GDAP1: variants seen among roughly 807,000 people sequenced by gnomAD.
GDAP1 encodes the protein ganglioside induced differentiation associated protein 1.
Under a neutral mutation model 40.1 loss-of-function variants are expected in GDAP1, and 34 were observed. The observed-to-expected ratio is 0.85, with a 90% CI of 0.64 to 1.13. The LOEUF (loss-of-function observed/expected upper bound fraction) is 1.13. GDAP1 is among the 50% of genes most tolerant of loss of function. GDAP1 has a pLI of 0.00. For synonymous variants in GDAP1, 170 were observed against 157.4 expected, an observed-to-expected ratio of 1.08 and a Z score of -0.60; for missense variants, 374 against 433.7, an observed-to-expected ratio of 0.86 and a Z score of 1.22.
intron 2 of GDAP1, among the ~76,000 whole-genome samples, chr8:74,469,339 A>C (rs1303583565): frequency 1.3e-5 from 2 of 152,170 alleles, no homozygotes; most frequent in Non-Finnish European, 2.9e-5. Context: ...AATTAGAGAT[A>C]TTTATCTTTA....
intron 2 of GDAP1, among the ~76,000 whole-genome samples, chr8:74,472,750 T>G (rs1324943166): frequency 9.5e-6 from 1 of 104,894 alleles, no homozygotes; most frequent in Non-Finnish European, 2.1e-5. Context: ...TTTTCTTTTC[T>G]TTTCTTTTCT....
intron 2 of GDAP1, among the ~76,000 whole-genome samples, chr8:74,378,974 G>A (rs1809905051): frequency 6.6e-6 from 1 of 152,162 alleles, no homozygotes; most frequent in Non-Finnish European, 1.5e-5. Flanking sequence ...CATAGTCCCT[G>A]GTCCTTGGAG....
chr8:74,412,481 A>G (rs1805726957), intron 2 of GDAP1, among the ~76,000 whole-genome samples: 1 of 150,260 alleles, frequency 6.7e-6, no homozygotes, highest in South Asian at 2.1e-4. Flanking sequence ...AAAGAATATG[A>G]TTTTAGAAGC....
At chr8:74,379,196 A>T (rs532193658) in intron 2 of GDAP1, among the ~76,000 whole-genome samples, 1 of 109,716 alleles carries the variant, frequency 9.1e-6, no homozygotes, top group Admixed American at 9.4e-5. Context: ...TGAGGGTTCC[A>T]TATGAATTTG....
At chr8:74,430,787 C>T (rs1395751972) in intron 2 of GDAP1, among the ~76,000 whole-genome samples, 5 of 151,644 alleles carry the variant, frequency 3.3e-5, no homozygotes, top group Admixed American at 2.0e-4. Context: ...AGGAACTCTT[C>T]CCAATGGCTT....
intron 2 of GDAP1, among the ~76,000 whole-genome samples, chr8:74,471,576 A>G (rs1018509660): frequency 1.3e-5 from 2 of 152,096 alleles, no homozygotes; most frequent in Admixed American, 6.5e-5. Flanking sequence ...AAAAGTATAC[A>G]GTCTTATGAG....
At chr8:74,461,692 A>G (rs1398626532) in intron 2 of GDAP1, among the ~76,000 whole-genome samples, 1 of 152,220 alleles carries the variant, frequency 6.6e-6, no homozygotes, top group Non-Finnish European at 1.5e-5. Flanking sequence ...GATTCTGATT[A>G]TGCTCTCAGA....
intron 2 of GDAP1, among the ~76,000 whole-genome samples, chr8:74,461,262 C>G (rs934429935): frequency 6.6e-6 from 1 of 152,134 alleles, no homozygotes; most frequent in African/African-American, 2.4e-5. Flanking sequence ...GCAGATTATC[C>G]TAATATAGAT....
chr8:74,361,748 G>A, intron 3 of GDAP1, 136 bp from the exon 4 acceptor site: 1 of 688,422 alleles, frequency 1.5e-6, no homozygotes, highest in East Asian at 2.7e-5. Flanking sequence ...GGCATAGACA[G>A]GGTAAGCCCA....
At position 74,414,244 on chromosome 8, in the gene GDAP1, C is replaced by G. The variant is rs560222559; in HGVS notation, c.165+62923C>G. Among the ~76,000 whole-genome samples, 214 of 150,220 alleles carry G rather than the reference C, an allele frequency of 1.4e-3. 22 individuals are homozygous for G. Among genetic ancestry groups the G allele is most frequent in the African/African-American group, 5.2e-3 (206 of 39,546 alleles). ...CTTAACATAATATTCAAAATGTCTT[C>G]AATGTAATCCAAATTACTTGGCATA... On this transcript the variant is annotated intron_variant, in intron 2 of 2. Coordinates refer to the GDAP1 transcript ENST00000523640.
chr8:74,350,722 G>T (rs1041108776), intron 1 of GDAP1, 144 bp downstream of exon 1: 57 of 715,560 alleles, frequency 8.0e-5, no homozygotes, highest in Admixed American at 2.0e-5. Context: ...CCCTCCAGGC[G>T]GGGACGCGCC....
intron 2 of GDAP1, 149 bp from the exon 3 acceptor site, chr8:74,359,986 GAA>G: frequency 0.59 from 1,310 of 2,238 alleles, 645 homozygotes; most frequent in Non-Finnish European, 0.63. Context: ...TTCAAACTTT[GAA>G]TGAATGTCTG....
At chr8:74,374,128 G>A (rs973536677) in intron 2 of GDAP1, among the ~76,000 whole-genome samples, 2 of 152,152 alleles carry the variant, frequency 1.3e-5, no homozygotes, top group Non-Finnish European at 2.9e-5. Context: ...TGGTGGATAA[G>A]CTTTTTGATG....
At chr8:74,402,458 A>T (rs1810363057) in intron 2 of GDAP1, among the ~76,000 whole-genome samples, 1 of 150,068 alleles carries the variant, frequency 6.7e-6, no homozygotes, top group Admixed American at 6.6e-5. Context: ...GCCGTCTGTC[A>T]CCCCTTTCTT....
chr8:74,476,957 AT>A (rs1215365235), intron 2 of GDAP1, among the ~76,000 whole-genome samples: 2 of 152,048 alleles, frequency 1.3e-5, no homozygotes, highest in Non-Finnish European at 2.9e-5. Context: ...ATAATCCTGT[AT>A]TTCTCAGAGG....
chr8:74,411,716 T>C (rs1176026278), intron 2 of GDAP1, among the ~76,000 whole-genome samples: 1 of 102,534 alleles, frequency 9.8e-6, no homozygotes, highest in Non-Finnish European at 1.9e-5. Context: ...ATCGTGTCTC[T>C]ACCAAAAAAA....
intron 2 of GDAP1, among the ~76,000 whole-genome samples, chr8:74,427,263 C>T (rs532177265): frequency 6.6e-6 from 1 of 152,294 alleles, no homozygotes; most frequent in African/African-American, 2.4e-5. Context: ...AGTTACATCT[C>T]ATGGTAGCCA....
chr8:74,364,367 G>C lies in GDAP1; in HGVS notation c.1077G>C (p.Ter359TyrextTer14), dbSNP rs1193302813. Residue 359 changes from the stop codon to tyrosine (Y), a stop_lost, in exon 6 of 6, where the codon TAG (stop) becomes TAC (tyrosine). Transcript: ENST00000220822. ...LAFRPRPNYF[*>Y] is the part of the protein sequence containing the mutation. ...TTAGACCCAGACCAAATTATTTCTAGGTTTGTTGGGATCTTGTCGTGGCAG... is the reference window on the plus strand; with the variant it reads ...TTAGACCCAGACCAAATTATTTCTACGTTTGTTGGGATCTTGTCGTGGCAG... 1.2e-6 allele frequency: 2 copies of C among 1,612,760 alleles called. No homozygotes were observed. The highest frequency in any genetic ancestry group is 1.7e-6 in the Non-Finnish European group (2 of 1,179,916).
chr8:74,413,182 G>A (rs924283945), intron 2 of GDAP1, among the ~76,000 whole-genome samples: 1 of 148,686 alleles, frequency 6.7e-6, no homozygotes, highest in African/African-American at 2.6e-5. Flanking sequence ...TTCAGGATAA[G>A]ATGAAGTAAG....
Sources: gnomAD v4.1 joint callset for allele counts (sites outside exome capture counted in the v4.1 genomes callset) on GRCh38, gnomAD v4.1.1 for gene constraint, MANE v1.5 for transcripts, NCBI Gene and HGNC (gene_info 2026-07-23, HGNC 2026-07-21) for gene names.